The following UNC80 variants were observed in gnomAD, a reference collection of about 807,000 sequenced individuals.
UNC80 encodes protein unc-80 homolog.
In UNC80, 164 loss-of-function variants were observed where a neutral mutation model predicts 384.6. The ratio of observed to expected loss-of-function variants is 0.43; its 90% CI spans 0.38 to 0.49. The LOEUF (loss-of-function observed/expected upper bound fraction) is 0.49, where lower values mean the gene tolerates loss of function less well. Ranked by LOEUF, UNC80 falls within the 20% of genes least tolerant of loss-of-function variation. The pLI, the probability that UNC80 is intolerant of heterozygous loss-of-function variation, is 0.00. For missense variants in UNC80, 3,330 were observed against 4,143.0 expected, an observed-to-expected ratio of 0.80 and a Z score of 5.39; for synonymous variants, 1,486 against 1,527.8, an observed-to-expected ratio of 0.97 and a Z score of 0.64.
intron 7 of UNC80, among the ~76,000 whole-genome samples, chr2:209,805,056 A>C (rs956922444): frequency 6.6e-6 from 1 of 152,204 alleles, no homozygotes; most frequent in Non-Finnish European, 1.5e-5. Flanking sequence ...ATTTTTCAAA[A>C]TCAAGTTCCA....
intron 59 of UNC80, among the ~76,000 whole-genome samples, chr2:209,979,518 G>C (rs930438062): frequency 4.6e-5 from 7 of 152,122 alleles, no homozygotes; most frequent in African/African-American, 1.7e-4. Context: ...TTGAGGGAAA[G>C]TACTCCAAAT....
intron 8 of UNC80, among the ~76,000 whole-genome samples, chr2:209,814,400 C>A (rs6707679): frequency 1.3e-5 from 2 of 151,948 alleles, no homozygotes; most frequent in Admixed American, 1.3e-4. Context: ...CCCGCCACCA[C>A]ACCCGGCTAA....
intron 60 of UNC80, 162 bp downstream of exon 60, chr2:209,982,479 C>A: frequency 1.1e-6 from 1 of 874,558 alleles, no homozygotes; most frequent in Non-Finnish European, 1.6e-6. Context: ...TTCCTGCAGG[C>A]AACACTTTGC....
chr2:209,866,311 A>G (rs933791295), intron 22 of UNC80, among the ~76,000 whole-genome samples: 3 of 151,810 alleles, frequency 2.0e-5, no homozygotes, highest in Non-Finnish European at 4.4e-5. Flanking sequence ...TATCAGATAT[A>G]TTTTCCACTT....
chr2:209,813,561 T>C lies in UNC80; in HGVS notation c.939-19T>C. ...AGCTTGATTGTCAGTATAATTATCT[T>C]CTTTCTGCCATGGAACAGGGCCTCT... On this transcript the variant is annotated intron_variant, in intron 7 of 64. Coordinates refer to ENST00000673920, the MANE Select transcript of UNC80 (RefSeq NM_001371986.1). 1.3e-6 allele frequency: 2 copies of C among 1,545,608 alleles called. No homozygotes were observed.
intron 29 of UNC80, among the ~76,000 whole-genome samples, chr2:209,907,050 A>G (rs1401866172): frequency 6.6e-6 from 1 of 152,186 alleles, no homozygotes. Context: ...CATCTCCTCC[A>G]TGAAACTTTT....
intron 47 of UNC80, among the ~76,000 whole-genome samples, chr2:209,949,327 A>G (rs930936294): frequency 3.9e-5 from 6 of 152,224 alleles, no homozygotes; most frequent in African/African-American, 1.4e-4. Context: ...CTACTTTATT[A>G]ACTACCCACT....
chr2:209,922,155 T>A, intron 34 of UNC80, 97 bp from the exon 35 acceptor site: 1 of 1,366,236 alleles, frequency 7.3e-7, no homozygotes, highest in Non-Finnish European at 1.0e-6. Flanking sequence ...AGCCTTATGG[T>A]CTGAGAGCAG....
In UNC80 at chr2:209,936,827, T is replaced by G. The variant is rs1490344171; in HGVS notation, c.6274-17T>G. ...TTCCTGATAAACATTTATTAAAATT[T>G]GTTGCTATTGTTCTAGGAGTGTCTG... is the stretch of plus-strand genomic sequence containing the variant. On this transcript the variant is annotated splice_polypyrimidine_tract_variant and intron_variant, in intron 40 of 64. Transcript: ENST00000673920. The G allele has an allele frequency of 4.0e-6, 6 of 1,491,116 alleles. No individual in the cohort carries two copies. The Admixed American group carries it at 1.2e-4, about 29-fold the overall frequency. The allele number at this position is 1,491,116 out of a possible 1,614,324, so 92.4% of individuals were successfully genotyped here. A position where few individuals can be genotyped will look rare whatever the true frequency, so the allele number is the denominator to read the frequency against.
At chr2:209,790,612 G>T (rs762262078) in intron 6 of UNC80, among the ~76,000 whole-genome samples, 4 of 152,124 alleles carry the variant, frequency 2.6e-5, no homozygotes, top group Non-Finnish European at 5.9e-5. Flanking sequence ...CATCATCAGG[G>T]TCAGTGGATT....
At chr2:209,948,590 C>T (rs760234198) in intron 47 of UNC80, among the ~76,000 whole-genome samples, 4 of 152,076 alleles carry the variant, frequency 2.6e-5, no homozygotes, top group Non-Finnish European at 1.5e-5. Context: ...ATGTCATCTG[C>T]AAATCATGAG....
At chr2:209,971,054 T>C in intron 54 of UNC80, 97 bp downstream of exon 54, 1 of 1,441,790 alleles carries the variant, frequency 6.9e-7, no homozygotes, top group Non-Finnish European at 9.2e-7. Context: ...CTGGGCAAAA[T>C]CTGTGAAACA....
At chr2:209,826,136 A>C in intron 14 of UNC80, 83 bp downstream of exon 14, 1 of 1,352,146 alleles carries the variant, frequency 7.4e-7, no homozygotes. Flanking sequence ...AATGAGGGTC[A>C]GTGTTCCCTG....
chr2:209,967,914 T>G (rs2125009399), intron 52 of UNC80: 1 of 288,836 alleles, frequency 3.5e-6, no homozygotes, highest in Non-Finnish European at 6.5e-6. Flanking sequence ...AAAATTTCAA[T>G]TAGTACCCTT....
chr2:209,829,417 T>C lies in UNC80; in HGVS notation c.2626+38T>C, dbSNP rs969920423. 9 of 1,549,384 alleles carry C rather than the reference T, an allele frequency of 5.8e-6. No homozygotes were observed. In the Admixed American group the frequency reaches 1.6e-4, roughly 27 times the overall value. ...GCACCCAAGTTCTAGGAGAAGTCGT[T>C]GTGAGGTGAATCAGGTAGTGTTTCA... is the stretch of plus-strand genomic sequence containing the variant. On this transcript the variant is annotated intron_variant, in intron 15 of 64. Coordinates refer to ENST00000673920, the MANE Select transcript of UNC80 (RefSeq NM_001371986.1).
rs369408644 is a variant in UNC80, at chr2:209,866,533, C to CAG, written c.3628-6193_3628-6192dup. 3.8e-3 allele frequency among the ~76,000 whole-genome samples: 397 copies of CAG among 104,106 alleles called. 5 individuals carry two copies. The highest frequency in any genetic ancestry group is 0.022 in the East Asian group (83 of 3,788). 68.3% of individuals were successfully genotyped at this position (104,106 alleles called of 152,430 possible). On this transcript the variant is annotated intron_variant, in intron 22 of 64. Transcript: ENST00000673920. ...ACACACACACACACACACACACACA[C>CAG]AGAGAGAGAGAGAGAGAGAGAGAGA...
intron 7 of UNC80, among the ~76,000 whole-genome samples, chr2:209,801,114 T>C (rs1047035401): frequency 2.6e-4 from 39 of 152,278 alleles, no homozygotes; most frequent in African/African-American, 7.9e-4. Flanking sequence ...TCCTTGTTAA[T>C]TTTCTGTCTC....
At position 209,807,605 on chromosome 2, in the gene UNC80, C is replaced by G. The variant is rs907111446; in HGVS notation, c.939-5975C>G. Among the ~76,000 whole-genome samples, 3 of 151,926 alleles carry G rather than the reference C, an allele frequency of 2.0e-5. No individual in the cohort carries two copies. In the East Asian group the frequency reaches 5.8e-4, roughly 29 times the overall value. On this transcript the variant is annotated intron_variant, in intron 7 of 64. Coordinates refer to ENST00000673920, the MANE Select transcript of UNC80 (RefSeq NM_001371986.1). ...GTCTCGATCTCCTGACCTCGTGATC[C>G]GCCTGCCTCAGCCTCCCAAAGTGCT...
At position 209,813,858 on chromosome 2, in the gene UNC80, T is replaced by G; in HGVS notation, c.1200+17T>G. The stretch of plus-strand genomic sequence containing the variant: ...AAAACCCAAGTAAGAAAAACCCGGT[T>G]CATTGTCATTCAAACCAGCAACTTT... On this transcript the variant is annotated intron_variant, in intron 8 of 64. Coordinates refer to ENST00000673920, the MANE Select transcript of UNC80 (RefSeq NM_001371986.1). The G allele has an allele frequency of 6.5e-7, 1 of 1,546,616 alleles. No homozygotes were observed. Among genetic ancestry groups the G allele is most frequent in the Non-Finnish European group, 8.7e-7 (1 of 1,144,240 alleles).
Sources: allele counts gnomAD v4.1 joint callset (sites outside exome capture counted in the v4.1 genomes callset), GRCh38; gene constraint gnomAD v4.1.1; transcripts MANE v1.5; gene names NCBI Gene and HGNC (gene_info 2026-07-23, HGNC 2026-07-21).